Variants in RFX1 observed in about 807,000 individuals in gnomAD.
RFX1 encodes regulatory factor X1.
A neutral mutation model predicts 119.6 loss-of-function variants in RFX1; 42 were observed. That is an observed-to-expected ratio of 0.35 (90% CI 0.27 to 0.45). The LOEUF (loss-of-function observed/expected upper bound fraction) is 0.45. Among genes scored for constraint, RFX1 ranks in the 20% least tolerant of loss-of-function variants. The pLI is 1.00. For synonymous variants in RFX1, 628 were observed against 618.5 expected, an observed-to-expected ratio of 1.02 and a Z score of -0.23; for missense variants, 1,118 against 1,368.1, an observed-to-expected ratio of 0.82 and a Z score of 2.88.
rs531470873 is a variant in RFX1 at position 13,985,783 on chromosome 19, C to T, written c.320-2188G>A. On this transcript the variant is annotated intron_variant, in intron 2 of 20. Coordinates refer to ENST00000254325, the MANE Select transcript of RFX1 (RefSeq NM_002918.5). This position sits in a 1 kb window ranked among gnomAD's most constrained non-coding sequence, Gnocchi z 4.3. ...GGGTCTCGGCTGTCCAGGCAGGGCA[C>T]AGGAGGGAGAGGGGCCTGGACAGGG... Among the ~76,000 whole-genome samples the T allele has an allele frequency of 3.9e-5, 6 of 152,150 alleles. No individual in the cohort carries two copies. In the East Asian group the frequency reaches 9.7e-4, roughly 25 times the overall value.
Position 13,996,494 on chromosome 19 carries a change from C to T in RFX1, c.-52-2599G>A, listed in dbSNP as rs573314127. Among the ~76,000 whole-genome samples, 7 of 152,280 alleles carry T rather than the reference C, an allele frequency of 4.6e-5. 1 individual carries two copies. In the South Asian group the frequency reaches 1.4e-3, roughly 32 times the overall value. On this transcript the variant is annotated intron_variant, in intron 1 of 20. Transcript: ENST00000254325. ...TAAAAAACAACTGCTGTTGGTTGAC[C>T]AGGAGCCCCCAGACCCCTCCACTGA... is the stretch of plus-strand genomic sequence containing the variant.
At position 13,980,820 on chromosome 19, in the gene RFX1, A is replaced by G; in HGVS notation, c.622-131T>C. 1.7e-6 allele frequency: 1 copy of G among 580,834 alleles called. No individual in the cohort carries two copies. The highest frequency in any genetic ancestry group is 2.1e-5 in the South Asian group (1 of 47,248). The allele number at this position is 580,834 out of a possible 1,614,324, so 36.0% of individuals were successfully genotyped here. A position where few individuals can be genotyped will look rare whatever the true frequency, so the allele number is the denominator to read the frequency against. On this transcript the variant is annotated intron_variant, in intron 5 of 20. Transcript: ENST00000254325. This position sits in a 1 kb window ranked among gnomAD's most constrained non-coding sequence, Gnocchi z 5.1. ...CAGTCTGTGGGGACCTATCCCAACCACCGAGGCTGGTAACTGACCGCGTCC... is the reference window on the plus strand; with the variant it reads ...CAGTCTGTGGGGACCTATCCCAACCGCCGAGGCTGGTAACTGACCGCGTCC...
At position 13,995,727 on chromosome 19, in the gene RFX1, T is replaced by C. The variant is rs557260296; in HGVS notation, c.-52-1832A>G. Among the ~76,000 whole-genome samples, 4 of 152,116 alleles carry C rather than the reference T, an allele frequency of 2.6e-5. No homozygotes were observed. In the East Asian group the frequency reaches 7.7e-4, roughly 29 times the overall value. On this transcript the variant is annotated intron_variant, in intron 1 of 20. Coordinates refer to ENST00000254325, the MANE Select transcript of RFX1 (RefSeq NM_002918.5). ...TCAGCTGGGCATGGTGGCACATGCCTGTAATCCCAGCTACTTAGGAGGATG... is the reference window on the plus strand; with the variant it reads ...TCAGCTGGGCATGGTGGCACATGCCCGTAATCCCAGCTACTTAGGAGGATG...
chr19:13,964,014 G>A lies in RFX1; in HGVS notation c.2212-7C>T, dbSNP rs1973812389. ...AGGCGCCAGCCGCGGCCACCTGCGTGCAGGGATTGAGGGGCTTGCTGCTTC... is the reference window on the plus strand; with the variant it reads ...AGGCGCCAGCCGCGGCCACCTGCGTACAGGGATTGAGGGGCTTGCTGCTTC... On this transcript the variant is annotated splice_polypyrimidine_tract_variant and splice_region_variant and intron_variant, in intron 16 of 20. Coordinates refer to ENST00000254325, the MANE Select transcript of RFX1 (RefSeq NM_002918.5). The A allele has an allele frequency of 6.5e-7, 1 of 1,531,976 alleles. No individual in the cohort carries two copies. The highest frequency in any genetic ancestry group is 8.7e-7 in the Non-Finnish European group (1 of 1,145,122). The allele number at this position is 1,531,976 out of a possible 1,614,324, so 94.9% of individuals were successfully genotyped here.
At chr19:13,975,083 C>T (rs1376607793) in intron 8 of RFX1, among the ~76,000 whole-genome samples, 20 of 132,374 alleles carry the variant, frequency 1.5e-4, no homozygotes, top group East Asian at 4.8e-4. Flanking sequence ...GGGGCAGGCA[C>T]GGTGGCTCAC....
chr19:13,981,489 G>A (rs1284209975), intron 5 of RFX1, among the ~76,000 whole-genome samples: 1 of 152,192 alleles, frequency 6.6e-6, no homozygotes, highest in Non-Finnish European at 1.5e-5. Flanking sequence ...CCAGCTACTC[G>A]GGAGGCTGAG....
rs538473704 is a variant in RFX1 at position 13,974,260 on chromosome 19, G to A, written c.930-1133C>T. ...ATTGGAAGGGACTAGAGAAGGCGAC[G>A]CTGTGATTGGAGAAGACCATCAGGA... On this transcript the variant is annotated intron_variant, in intron 8 of 20. Transcript: ENST00000254325. Among the ~76,000 whole-genome samples the A allele has an allele frequency of 3.3e-5, 5 of 152,260 alleles. No individual in the cohort carries two copies. The South Asian group carries it at 1.0e-3, about 32-fold the overall frequency.
In RFX1 at chr19:13,968,504, G is replaced by C. The variant is rs1054802374; in HGVS notation, c.1732+61C>G. ...GCTGCCTGCCGCCATCCAGCTTTGG[G>C]AACCGTCTGCACGGGGCAGGGAGGC... is the stretch of plus-strand genomic sequence containing the variant. On this transcript the variant is annotated intron_variant, in intron 12 of 20. Coordinates refer to ENST00000254325, the MANE Select transcript of RFX1 (RefSeq NM_002918.5). The surrounding 1 kb of genome is among the most constrained non-coding windows in gnomAD (Gnocchi z 5.5). The C allele has an allele frequency of 5.1e-6, 7 of 1,384,192 alleles. No individual in the cohort carries two copies. The highest frequency in any genetic ancestry group is 1.4e-5 in the African/African-American group (1 of 70,540). 85.7% of individuals were successfully genotyped at this position (1,384,192 alleles called of 1,614,324 possible).
In RFX1 at chr19:13,993,808, G is replaced by T. The variant is rs773988700; in HGVS notation, c.36C>A (p.Ala12=). The change falls in exon 2 of 21, where the codon GCC becomes GCA. Residue 12 remains alanine (A), a synonymous_variant. Transcript: ENST00000254325. ...CCTGTGGCGGCTGGGATGGTGGCGG[G>T]GCTGCCTGTAGCTCAGTATACGCCT... ...ATQAYTELQA[A]PPPSQPPQAP... The T allele has an allele frequency of 6.2e-7, 1 of 1,604,736 alleles. No homozygotes were observed. The highest frequency in any genetic ancestry group is 8.5e-7 in the Non-Finnish European group (1 of 1,176,376).
At chr19:14,002,261 G>A (rs1382682177) in intron 1 of RFX1, among the ~76,000 whole-genome samples, 1 of 149,158 alleles carries the variant, frequency 6.7e-6, no homozygotes, top group Non-Finnish European at 1.5e-5. Flanking sequence ...GTTGCAGTGA[G>A]CCAAGATCGT....
rs979373025 is a variant in RFX1 at position 13,962,385 on chromosome 19, G to C, written c.*310C>G. On this transcript the variant is annotated 3_prime_UTR_variant, in exon 21 of 21. Transcript: ENST00000254325. ...GCCCCCTGGGGTGGTGGGAGGACGG[G>C]GCTGGGGAGAAGACGCTGGGGCCTG... The C allele has an allele frequency of 2.3e-6, 1 of 437,930 alleles. No individual in the cohort carries two copies. Among genetic ancestry groups the C allele is most frequent in the Non-Finnish European group, 4.1e-6 (1 of 244,972 alleles). 27.1% of individuals were successfully genotyped at this position (437,930 alleles called of 1,614,324 possible). A position where few individuals can be genotyped will look rare whatever the true frequency, so the allele number is the denominator to read the frequency against.
At chr19:13,970,933 AGAGGCTGCAGT>A (rs1974058574) in intron 9 of RFX1, among the ~76,000 whole-genome samples, 1 of 152,024 alleles carries the variant, frequency 6.6e-6, no homozygotes, top group Non-Finnish European at 1.5e-5. Context: ...GCAGGGAGGC[AGAGGCTGCAGT>A]GAGCCAAGAT....
chr19:13,967,767 T>A (rs1244653790), intron 12 of RFX1, among the ~76,000 whole-genome samples: 1 of 150,190 alleles, frequency 6.7e-6, no homozygotes, highest in East Asian at 2.1e-4. Context: ...CATGAACCAC[T>A]GCACCAGGCC....
rs1186793861 is a variant in RFX1, at chr19:13,962,887, G to A, written c.2771-23C>T. The A allele has an allele frequency of 2.6e-6, 4 of 1,533,498 alleles. No homozygotes were observed. The South Asian group carries it at 4.8e-5, about 18-fold the overall frequency. The allele number at this position is 1,533,498 out of a possible 1,614,324, so 95.0% of individuals were successfully genotyped here. A position where few individuals can be genotyped will look rare whatever the true frequency, so the allele number is the denominator to read the frequency against. Reference sequence around the variant, plus strand: ...CGTCTGGAACACAGGGACCAAGTCCGGCTCGGGGCGGGGTGGCAACGCCCC... The same window carrying A: ...CGTCTGGAACACAGGGACCAAGTCCAGCTCGGGGCGGGGTGGCAACGCCCC... On this transcript the variant is annotated intron_variant, in intron 20 of 20. Coordinates refer to ENST00000254325, the MANE Select transcript of RFX1 (RefSeq NM_002918.5).
At position 13,968,842 on chromosome 19, in the gene RFX1, G is replaced by A. The variant is rs952913844; in HGVS notation, c.1549C>T (p.Leu517=). 1.3e-6 allele frequency: 2 copies of A among 1,554,574 alleles called. No individual in the cohort carries two copies. Among genetic ancestry groups the A allele is most frequent in the Non-Finnish European group, 1.7e-6 (2 of 1,148,962 alleles). The change falls in exon 11 of 21, where the codon CTG becomes TTG. Residue 517 remains leucine, a synonymous_variant. Transcript: ENST00000254325. The surrounding 1 kb of genome is among the most constrained non-coding windows in gnomAD (Gnocchi z 5.5). ...YGLRIKASSP[L]LRLMEDQQHM... ...TGCTGGTCCTCCATCAGCCGCAGCAGGGGTGAGCTGGCCTTGATGCGCAGG... is the reference window on the plus strand; with the variant it reads ...TGCTGGTCCTCCATCAGCCGCAGCAAGGGTGAGCTGGCCTTGATGCGCAGG...
At position 13,969,071 on chromosome 19, in the gene RFX1, A is replaced by G. The variant is rs760831351; in HGVS notation, c.1497-177T>C. ...ACAGGGGCTGTGGGTGTCAGGAGAG[A>G]TCCAGCGGTTTGCCCAAGATTATGC... On this transcript the variant is annotated intron_variant, in intron 10 of 20. Transcript: ENST00000254325. The surrounding 1 kb of genome is among the most constrained non-coding windows in gnomAD (Gnocchi z 4.5). Among the ~76,000 whole-genome samples the G allele has an allele frequency of 1.1e-4, 16 of 152,172 alleles. No homozygotes were observed. Among genetic ancestry groups the G allele is most frequent in the Non-Finnish European group, 1.5e-4 (10 of 68,038 alleles).
At position 13,993,930 on chromosome 19, in the gene RFX1, A is replaced by G. The variant is rs997937335; in HGVS notation, c.-52-35T>C. 3.6e-5 allele frequency: 38 copies of G among 1,065,660 alleles called. 2 individuals carry two copies. In the Middle Eastern group the frequency reaches 3.1e-3, roughly 86 times the overall value. 66.0% of individuals were successfully genotyped at this position (1,065,660 alleles called of 1,614,324 possible). Reference sequence around the variant, plus strand: ...AAAGACGGGGATGGGGGAGAGAAAAACAAAACAAAACAAAAGAAGGAAAAA... The same window carrying G: ...AAAGACGGGGATGGGGGAGAGAAAAGCAAAACAAAACAAAAGAAGGAAAAA... On this transcript the variant is annotated intron_variant, in intron 1 of 20. Transcript: ENST00000254325.
chr19:13,978,116 CA>C (rs772384614), intron 7 of RFX1, 30 bp from the exon 8 acceptor site: 9 of 1,547,162 alleles, frequency 5.8e-6, no homozygotes, highest in South Asian at 4.5e-5. Context: ...CGTGGAGGGT[CA>C]GGGGTGGGCC....
intron 2 of RFX1, among the ~76,000 whole-genome samples, chr19:13,988,189 G>C (rs1350641147): frequency 1.3e-5 from 2 of 152,082 alleles, no homozygotes; most frequent in African/African-American, 4.8e-5. Context: ...AACACGCCGG[G>C]CTAATTTTTG....
Sources: gnomAD v4.1 joint callset for allele counts (sites outside exome capture counted in the v4.1 genomes callset) on GRCh38, gnomAD v4.1.1 for gene constraint, Gnocchi (gnomAD v3.1) non-coding constraint, MANE v1.5 for transcripts, NCBI Gene and HGNC (gene_info 2026-07-23, HGNC 2026-07-21) for gene names.